Variants in RELCH observed in about 807,000 individuals in gnomAD.
The protein encoded by RELCH is RAB11 binding and LisH domain, coiled-coil and HEAT repeat containing.
In RELCH, 41 loss-of-function variants were observed where a neutral mutation model predicts 150.3. The ratio of observed to expected loss-of-function variants is 0.27; its 90% CI spans 0.21 to 0.35. RELCH has a LOEUF of 0.35. RELCH is among the 10% of genes least tolerant of loss of function. The probability of loss-of-function intolerance (pLI) is 1.00; values close to 1 mark genes in which losing one functional copy is unlikely to be tolerated. For missense variants in RELCH, 1,092 were observed against 1,467.8 expected (o/e 0.74, Z 4.18); for synonymous variants, 478 against 531.8 (o/e 0.90, Z 1.39).
rs1035243242 is a variant in RELCH at position 62,309,056 on chromosome 18, A to G, written c.*3522A>G. On this transcript the variant is annotated 3_prime_UTR_variant, in exon 29 of 29. Transcript: ENST00000644646. ...GGAGTTCAAGACTAGCCTGACCAAC[A>G]TGGTGAAACCGTCTCTACTAAAAAT... 7.2e-5 allele frequency: 11 copies of G among 152,064 alleles called. No homozygotes were observed. The highest frequency in any genetic ancestry group is 2.4e-4 in the African/African-American group (10 of 41,400). The allele number at this position is 152,064 out of a possible 1,614,324, so 9.4% of individuals were successfully genotyped here. A position where few individuals can be genotyped will look rare whatever the true frequency, so the allele number is the denominator to read the frequency against.
At chr18:62,291,136 C>A (rs1384362518) in intron 26 of RELCH, among the ~76,000 whole-genome samples, 1 of 152,150 alleles carries the variant, frequency 6.6e-6, no homozygotes, top group Non-Finnish European at 1.5e-5. Context: ...AATAGTTAAA[C>A]AGCAATGTTT....
intron 28 of RELCH, among the ~76,000 whole-genome samples, chr18:62,303,316 AT>A (rs1172452877): frequency 6.6e-6 from 1 of 152,226 alleles, no homozygotes; most frequent in Non-Finnish European, 1.5e-5. Flanking sequence ...CTACGCAGAT[AT>A]ATACACCCCT....
rs562108033 is a variant in RELCH at position 62,187,835 on chromosome 18, C to G, written c.330C>G (p.Ala110=). The G allele has an allele frequency of 6.3e-7, 1 of 1,592,032 alleles. No individual in the cohort carries two copies. Among genetic ancestry groups the G allele is most frequent in the Admixed American group, 1.8e-5 (1 of 55,330 alleles). Residue 110 remains alanine (A), a synonymous_variant, in exon 1 of 29, where the codon GCC becomes GCG. Transcript: ENST00000644646. ...QLLRDQYLLT[A]LELHTELLES... is the part of the protein sequence containing the mutation. Reference sequence around the variant, plus strand: ...TGCGCGATCAATACTTGCTGACCGCCCTGGAGCTGCATACCGAGCTGTTAG... The same window carrying G: ...TGCGCGATCAATACTTGCTGACCGCGCTGGAGCTGCATACCGAGCTGTTAG...
At chr18:62,218,826 A>G (rs1381888316) in intron 2 of RELCH, among the ~76,000 whole-genome samples, 1 of 151,956 alleles carries the variant, frequency 6.6e-6, no homozygotes, top group Non-Finnish European at 1.5e-5. Flanking sequence ...AAGGATTACA[A>G]TATTTGAAAA....
chr18:62,218,909 A>T (rs1281575873), intron 2 of RELCH, among the ~76,000 whole-genome samples: 1 of 152,000 alleles, frequency 6.6e-6, no homozygotes, highest in East Asian at 1.9e-4. Context: ...TCTAATGCTA[A>T]TAAAGAAGAT....
intron 1 of RELCH, among the ~76,000 whole-genome samples, chr18:62,195,499 T>C (rs887210387): frequency 3.9e-5 from 6 of 152,082 alleles, no homozygotes; most frequent in Non-Finnish European, 1.5e-5. Flanking sequence ...AGACTGTAAT[T>C]TCTTATGATT....
At chr18:62,234,602 G>A (rs57598949) in intron 10 of RELCH, among the ~76,000 whole-genome samples, 15,182 of 151,508 alleles carry the variant, frequency 0.1, 891 homozygotes, top group East Asian at 0.19. Flanking sequence ...ATAAAGCATT[G>A]GAAACAGGGT....
chr18:62,200,682 A>G (rs1271381941), intron 1 of RELCH, among the ~76,000 whole-genome samples: 1 of 151,558 alleles, frequency 6.6e-6, no homozygotes, highest in Non-Finnish European at 1.5e-5. Flanking sequence ...TTTCTTTATC[A>G]CCAAGGTTAC....
intron 8 of RELCH, among the ~76,000 whole-genome samples, chr18:62,229,945 A>T (rs186162321): frequency 3.5e-4 from 53 of 152,184 alleles, no homozygotes; most frequent in Non-Finnish European, 5.7e-4. Flanking sequence ...AGAGGTTGGG[A>T]CATGATGGTA....
chr18:62,228,566 T>C lies in RELCH; in HGVS notation c.1416T>C (p.Ser472=). ...REGMPPSSLS[S]KKTVHFDKPN... ...GAATGCCACCTTCTTCTCTATCAAG[T>C]AAAAAGACAGTTCATTTTGATAAAC... is the stretch of plus-strand genomic sequence containing the variant. Residue 472 remains serine (S), a synonymous_variant, in exon 8 of 29, where the codon AGT becomes AGC. Coordinates refer to ENST00000644646, the MANE Select transcript of RELCH (RefSeq NM_001346231.2). 6.2e-7 allele frequency: 1 copy of C among 1,611,728 alleles called. No individual in the cohort carries two copies. Among genetic ancestry groups the C allele is most frequent in the Non-Finnish European group, 8.5e-7 (1 of 1,178,930 alleles).
chr18:62,249,951 C>T (rs1054071453), intron 11 of RELCH, among the ~76,000 whole-genome samples: 12 of 152,036 alleles, frequency 7.9e-5, no homozygotes, highest in South Asian at 2.1e-4. Context: ...GATCGTATCC[C>T]GAGAAAAGCT....
intron 26 of RELCH, among the ~76,000 whole-genome samples, chr18:62,288,500 A>G (rs954101315): frequency 3.3e-5 from 5 of 152,160 alleles, no homozygotes; most frequent in Admixed American, 6.5e-5. Context: ...TAGAGAAAGT[A>G]GAAAAGTAGA....
At position 62,193,985 on chromosome 18, in the gene RELCH, C is replaced by G. The variant is rs933310210; in HGVS notation, c.526+5954C>G. On this transcript the variant is annotated intron_variant, in intron 1 of 28. Coordinates refer to ENST00000644646, the MANE Select transcript of RELCH (RefSeq NM_001346231.2). ...CTCAGACCAGGCGTAGTGGCTCACA[C>G]CTGTAATCCCAGCACTTTGGGAGGA... 3.5e-4 allele frequency among the ~76,000 whole-genome samples: 53 copies of G among 150,896 alleles called. 1 individual carries two copies. Among genetic ancestry groups the G allele is most frequent in the African/African-American group, 1.3e-3 (52 of 41,052 alleles).
At chr18:62,277,770 C>T (rs1428265639) in intron 22 of RELCH, 2 of 834,988 alleles carry the variant, frequency 2.4e-6, no homozygotes, top group Non-Finnish European at 2.9e-6. Flanking sequence ...ATATAAATTA[C>T]TTTTTGAAGT....
At chr18:62,206,591 C>T (rs1442977538) in intron 1 of RELCH, among the ~76,000 whole-genome samples, 1 of 152,154 alleles carries the variant, frequency 6.6e-6, no homozygotes, top group Non-Finnish European at 1.5e-5. Context: ...TTCCTTAGAT[C>T]AATATGTATA....
At chr18:62,255,608 C>G in intron 13 of RELCH, 130 bp downstream of exon 13, 1 of 688,892 alleles carries the variant, frequency 1.5e-6, no homozygotes, top group Non-Finnish European at 2.5e-6. Context: ...AGAGATGATC[C>G]AAAAAAGAGA....
chr18:62,234,496 T>C (rs1314758817), intron 10 of RELCH, among the ~76,000 whole-genome samples: 1 of 151,918 alleles, frequency 6.6e-6, no homozygotes, highest in Non-Finnish European at 1.5e-5. Context: ...AAGTTTGATA[T>C]ATATTCTCTT....
chr18:62,307,743 A>C lies in RELCH; in HGVS notation c.*2209A>C, dbSNP rs373162305. The C allele has an allele frequency of 6.6e-6, 1 of 152,198 alleles. No individual in the cohort carries two copies. The highest frequency in any genetic ancestry group is 1.5e-5 in the Non-Finnish European group (1 of 68,028). The allele number at this position is 152,198 out of a possible 1,614,324, so 9.4% of individuals were successfully genotyped here. On this transcript the variant is annotated 3_prime_UTR_variant, in exon 29 of 29. Coordinates refer to ENST00000644646, the MANE Select transcript of RELCH (RefSeq NM_001346231.2). ...TTTTAAGTGTTCAACTTAATGAAAA[A>C]CTAAGTTTGCAAAGTAATGAAAAGC...
intron 25 of RELCH, among the ~76,000 whole-genome samples, chr18:62,283,765 C>T (rs1336451675): frequency 2.6e-5 from 4 of 152,168 alleles, no homozygotes; most frequent in Admixed American, 6.5e-5. Flanking sequence ...TAGGTAGGAA[C>T]TCTGAAGGTG....
Sources: gnomAD v4.1 joint callset for allele counts (sites outside exome capture counted in the v4.1 genomes callset) on GRCh38, gnomAD v4.1.1 for gene constraint, MANE v1.5 for transcripts, NCBI Gene and HGNC (gene_info 2026-07-23, HGNC 2026-07-21) for gene names.